The following TSPAN16 variants were observed in gnomAD, a reference collection of about 807,000 sequenced individuals.
The protein encoded by TSPAN16 is tetraspanin 16.
Under a neutral mutation model 25.2 loss-of-function variants are expected in TSPAN16, and 23 were observed. The observed-to-expected ratio is 0.91, with a 90% CI of 0.66 to 1.29. TSPAN16 has a LOEUF of 1.29. Ranked by LOEUF, TSPAN16 falls within the 50% of genes most tolerant of loss-of-function variation. The probability of loss-of-function intolerance (pLI) is 0.00; values close to 1 mark genes in which losing one functional copy is unlikely to be tolerated. For missense variants in TSPAN16, 272 were observed against 299.9 expected, an observed-to-expected ratio of 0.91 and a Z score of 0.69; for synonymous variants, 123 against 124.4, an observed-to-expected ratio of 0.99 and a Z score of 0.08.
intron 3 of TSPAN16, 106 bp downstream of exon 3, chr19:11,299,052 G>A: frequency 1.8e-6 from 2 of 1,130,024 alleles, no homozygotes; most frequent in East Asian, 4.8e-5. Context: ...GGCTGAGTCT[G>A]GTGGATCACC....
downstream of TSPAN16, among the ~76,000 whole-genome samples, chr19:11,320,919 C>T (rs990039162): frequency 1.3e-5 from 2 of 151,934 alleles, no homozygotes; most frequent in African/African-American, 4.8e-5. Flanking sequence ...GCCTGTAATC[C>T]CAGCATTTTG....
intron 5 of TSPAN16, chr19:11,308,099 C>G (rs1377893095): frequency 2.0e-5 from 3 of 152,220 alleles, no homozygotes; most frequent in Non-Finnish European, 4.4e-5. Flanking sequence ...AGGTGGGGAA[C>G]TACTCTTCTC....
rs59048434 is a variant in TSPAN16, at chr19:11,313,526, CAA to C, written c.687+1319_687+1320del. Among the ~76,000 whole-genome samples the C allele has an allele frequency of 4.8e-3, 568 of 118,528 alleles. 5 individuals carry two copies. The highest frequency in any genetic ancestry group is 0.015 in the African/African-American group (530 of 35,362). 77.8% of individuals were successfully genotyped at this position (118,528 alleles called of 152,430 possible). A position where few individuals can be genotyped will look rare whatever the true frequency, so the allele number is the denominator to read the frequency against. On this transcript the variant is annotated intron_variant, in intron 6 of 6. Transcript: ENST00000590327. ...TTGGCAACAGAGCAAGACTCTGTCTCAAAAAAAAAAAAAAAATTATATCTTAA... is the reference window on the plus strand; with the variant it reads ...TTGGCAACAGAGCAAGACTCTGTCTCAAAAAAAAAAAAAATTATATCTTAA...
chr19:11,312,837 A>G (rs754936680), intron 6 of TSPAN16, among the ~76,000 whole-genome samples: 14 of 152,166 alleles, frequency 9.2e-5, no homozygotes, highest in Non-Finnish European at 1.8e-4. Context: ...AATTAGTAAC[A>G]TTAGGAATGA....
In TSPAN16 at chr19:11,298,242, T is replaced by C. The variant is rs758337455; in HGVS notation, c.170T>C (p.Val57Ala). Residue 57 changes from valine to alanine, a missense_variant, in exon 2 of 7, where the codon GTT becomes GCT. Coordinates refer to ENST00000590327, the MANE Select transcript of TSPAN16 (RefSeq NM_001282509.2). ...LGLSSAYLLH[V>A]GNLCLVMGCI... is the part of the protein sequence containing the mutation. Reference sequence around the variant, plus strand: ...CTGTCCTCCGCATACCTCCTTCACGTTGGCAACCTGTGCCTGGTGATGGGA... The same window carrying C: ...CTGTCCTCCGCATACCTCCTTCACGCTGGCAACCTGTGCCTGGTGATGGGA... 7.1e-5 allele frequency: 114 copies of C among 1,614,058 alleles called. No individual in the cohort carries two copies. The highest frequency in any genetic ancestry group is 8.9e-5 in the Non-Finnish European group (105 of 1,180,036).
chr19:11,324,785 C>A (rs1164916795), intron 6 of TSPAN16: 2 of 152,598 alleles, frequency 1.3e-5, no homozygotes, highest in Admixed American at 1.3e-4. Context: ...CTCCCTGTCC[C>A]TTCTACAATG....
chr19:11,298,288 C>T lies in TSPAN16; in HGVS notation c.216C>T (p.Gly72=), dbSNP rs1429800911. 1 of 1,614,140 alleles carries T rather than the reference C, an allele frequency of 6.2e-7. No homozygotes were observed. Among genetic ancestry groups the T allele is most frequent in the South Asian group, 1.1e-5 (1 of 91,086 alleles). The stretch of plus-strand genomic sequence containing the variant: ...TGGGATGCATCACGGTACTGCTTGG[C>T]TGTGCCGGGTGGTATGGAGCGACTA... ...LVMGCITVLL[G]CAGWYGATKE... The change falls in exon 2 of 7, where the codon GGC becomes GGT. Residue 72 remains glycine, a synonymous_variant. Transcript: ENST00000590327.
chr19:11,320,544 T>C (rs2080772083), downstream of TSPAN16, among the ~76,000 whole-genome samples: 1 of 151,956 alleles, frequency 6.6e-6, no homozygotes, highest in Non-Finnish European at 1.5e-5. Context: ...GTGGTGGTGC[T>C]TGCTTGTAGT....
At chr19:11,306,897 C>G in intron 5 of TSPAN16, 141 bp downstream of exon 5, 1 of 749,536 alleles carries the variant, frequency 1.3e-6, no homozygotes, top group South Asian at 2.0e-5. Flanking sequence ...CTCACTGCAA[C>G]CTCCGCCTCC....
At chr19:11,310,740 A>G (rs2080681925) in intron 5 of TSPAN16, among the ~76,000 whole-genome samples, 1 of 152,214 alleles carries the variant, frequency 6.6e-6, no homozygotes, top group East Asian at 1.9e-4. Flanking sequence ...TCTTCTGTTC[A>G]TATGTAAAGA....
rs1051276889 is a variant in TSPAN16, at chr19:11,315,782, G to A, written c.688-9G>A. The A allele has an allele frequency of 1.1e-5, 13 of 1,231,452 alleles. No individual in the cohort carries two copies. The African/African-American group carries it at 2.0e-4, about 19-fold the overall frequency. The allele number at this position is 1,231,452 out of a possible 1,614,324, so 76.3% of individuals were successfully genotyped here. On this transcript the variant is annotated splice_polypyrimidine_tract_variant and intron_variant, in intron 6 of 6. Coordinates refer to ENST00000590327, the MANE Select transcript of TSPAN16 (RefSeq NM_001282509.2). ...ATTGGATCCATGTTTCTTTCTTCAC[G>A]CATTTCAGTTGCCAGGAATTCTTGC...
At chr19:11,301,929 T>C (rs1045214691) in intron 4 of TSPAN16, among the ~76,000 whole-genome samples, 1 of 151,194 alleles carries the variant, frequency 6.6e-6, no homozygotes, top group Non-Finnish European at 1.5e-5. Flanking sequence ...GTTCAAGCAA[T>C]TCTCCTGTCT....
intron 4 of TSPAN16, 48 bp from the exon 5 acceptor site, chr19:11,306,553 GTTT>G: frequency 6.2e-7 from 1 of 1,608,142 alleles, no homozygotes; most frequent in Non-Finnish European, 8.5e-7. Context: ...GATTTCTGAT[GTTT>G]TTATTATTTG....
intron 3 of TSPAN16, chr19:11,300,922 G>A (rs1003897803): frequency 1.3e-5 from 4 of 311,042 alleles, no homozygotes; most frequent in South Asian, 6.1e-5. Flanking sequence ...CAGGGTGTAG[G>A]CGATTCCAAA....
At chr19:11,324,182 C>G (rs918532322) in intron 6 of TSPAN16, 3 of 152,130 alleles carry the variant, frequency 2.0e-5, no homozygotes, top group African/African-American at 7.3e-5. Context: ...GAAGTGACCC[C>G]TAGTTTGAGG....
intron 6 of TSPAN16, chr19:11,321,387 C>G (rs776245792): frequency 2.0e-5 from 3 of 152,158 alleles, no homozygotes; most frequent in Non-Finnish European, 4.4e-5. Flanking sequence ...CACTTGCTAT[C>G]AGGAGAACAG....
At chr19:11,309,342 A>T (rs946808873) in intron 5 of TSPAN16, among the ~76,000 whole-genome samples, 2 of 152,256 alleles carry the variant, frequency 1.3e-5, no homozygotes, top group East Asian at 3.9e-4. Flanking sequence ...GGCCTCAGAG[A>T]CAGACACGGG....
At chr19:11,303,851 T>C (rs1473239564) in intron 4 of TSPAN16, among the ~76,000 whole-genome samples, 1 of 151,580 alleles carries the variant, frequency 6.6e-6, no homozygotes, top group African/African-American at 2.4e-5. Flanking sequence ...TGGCGCAATC[T>C]TGGCCCACTG....
At chr19:11,298,409 G>A in intron 2 of TSPAN16, 70 bp downstream of exon 2, 15 of 1,485,206 alleles carry the variant, frequency 1.0e-5, no homozygotes, top group Non-Finnish European at 1.3e-5. Flanking sequence ...TGTGCGTGTT[G>A]CAAACAACTT....
Sources: gnomAD v4.1 joint callset for allele counts (sites outside exome capture counted in the v4.1 genomes callset) on GRCh38, gnomAD v4.1.1 for gene constraint, MANE v1.5 for transcripts, NCBI Gene and HGNC (gene_info 2026-07-23, HGNC 2026-07-21) for gene names.